Variants in KDM4B observed in about 807,000 individuals in gnomAD.
The protein encoded by KDM4B is lysine-specific demethylase 4B.
In KDM4B, 32 loss-of-function variants were observed where a neutral mutation model predicts 125.2. That is an observed-to-expected ratio of 0.26 (90% CI 0.19 to 0.34). The LOEUF is 0.34. KDM4B is among the 10% of genes least tolerant of loss of function. The pLI is 1.00. For missense variants in KDM4B, 1,190 were observed against 1,577.7 expected (o/e 0.75, Z 4.16); for synonymous variants, 721 against 677.9 (o/e 1.06, Z -0.99).
At position 5,082,314 on chromosome 19, in the gene KDM4B, C is replaced by T; in HGVS notation, c.781-53C>T. On this transcript the variant is annotated intron_variant, in intron 8 of 22. Transcript: ENST00000159111. The surrounding 1 kb of genome is among the most constrained non-coding windows in gnomAD (Gnocchi z 5.4). ...TGCTGGGAAGTGCCCACGTCCCATC[C>T]CCTGGTGCGCCTCTGGTGGCCCTGC... The T allele has an allele frequency of 3.7e-6, 6 of 1,609,390 alleles. No individual in the cohort carries two copies. The highest frequency in any genetic ancestry group is 5.1e-6 in the Non-Finnish European group (6 of 1,178,030).
intron 1 of KDM4B, among the ~76,000 whole-genome samples, chr19:5,004,791 C>T (rs1266201387): frequency 6.6e-6 from 1 of 152,112 alleles, no homozygotes; most frequent in African/African-American, 2.4e-5. Context: ...AGAGGCCACC[C>T]CTGCTCCCCT....
In KDM4B at chr19:5,008,383, T is replaced by C. The variant is rs376799663; in HGVS notation, c.-108-7874T>C. Reference sequence around the variant, plus strand: ...CCCGTTTATCTAATGTCTGTACTTATGCCAGTACCATGCTGTCTTGATTAC... The same window carrying C: ...CCCGTTTATCTAATGTCTGTACTTACGCCAGTACCATGCTGTCTTGATTAC... On this transcript the variant is annotated intron_variant, in intron 1 of 22. Coordinates refer to ENST00000159111, the MANE Select transcript of KDM4B (RefSeq NM_015015.3). Among the ~76,000 whole-genome samples, 45 of 152,340 alleles carry C rather than the reference T, an allele frequency of 3.0e-4. No individual in the cohort carries two copies. The South Asian group carries it at 8.1e-3, about 27-fold the overall frequency.
At chr19:5,047,020 A>G (rs1037917670) in intron 5 of KDM4B, 5 of 155,952 alleles carry the variant, frequency 3.2e-5, no homozygotes, top group African/African-American at 1.2e-4. Flanking sequence ...TGGGCTGGGT[A>G]TGGCGGCTCA....
Position 5,123,456 on chromosome 19 carries a change from G to T in KDM4B, c.1315+3604G>T, listed in dbSNP as rs371804213. ...CCCCCTTCCTAAGGACACTGGCCAC[G>T]CTGGGCCTGGCCCGCCCCAAGGGTC... is the stretch of plus-strand genomic sequence containing the variant. On this transcript the variant is annotated intron_variant, in intron 11 of 22. Transcript: ENST00000159111. 1.8e-4 allele frequency among the ~76,000 whole-genome samples: 28 copies of T among 152,308 alleles called. No homozygotes were observed. The East Asian group carries it at 4.2e-3, about 23-fold the overall frequency.
At chr19:5,026,475 G>A (rs1308952394) in intron 2 of KDM4B, among the ~76,000 whole-genome samples, 6 of 152,158 alleles carry the variant, frequency 3.9e-5, no homozygotes, top group Non-Finnish European at 7.3e-5. Context: ...GTGCTGCAGT[G>A]TCTGGCCTTC....
rs181624811 is a variant in KDM4B at position 4,986,966 on chromosome 19, T to A, written c.-109+17736T>A. ...TTTTATTTTTATTTTATTTTATTTTTTTTTTTGTGAGACGGAGTCTTGCTC... is the reference window on the plus strand; with the variant it reads ...TTTTATTTTTATTTTATTTTATTTTATTTTTTGTGAGACGGAGTCTTGCTC... On this transcript the variant is annotated intron_variant, in intron 1 of 22. Transcript: ENST00000159111. 5.1e-3 allele frequency among the ~76,000 whole-genome samples: 775 copies of A among 152,040 alleles called. 7 individuals carry two copies. Among genetic ancestry groups the A allele is most frequent in the African/African-American group, 0.017 (703 of 41,548 alleles).
intron 9 of KDM4B, among the ~76,000 whole-genome samples, chr19:5,087,975 C>T (rs2038560610): frequency 1.3e-5 from 2 of 152,294 alleles, no homozygotes; most frequent in South Asian, 4.1e-4. Context: ...GTAGGAATCT[C>T]ACGTCTTTCG....
At chr19:5,105,562 A>G (rs997644867) in intron 9 of KDM4B, among the ~76,000 whole-genome samples, 31 of 152,140 alleles carry the variant, frequency 2.0e-4, no homozygotes, top group African/African-American at 1.9e-4. Flanking sequence ...CCTCCCAAGT[A>G]GCTAAGACAG....
chr19:4,985,942 CG>C (rs2034815451), intron 1 of KDM4B, among the ~76,000 whole-genome samples: 1 of 152,238 alleles, frequency 6.6e-6, no homozygotes, highest in Non-Finnish European at 1.5e-5. Flanking sequence ...GGCCGTCTCC[CG>C]GTTTTTCCCT....
chr19:5,024,824 TG>T (rs1429913717), intron 2 of KDM4B, among the ~76,000 whole-genome samples: 1 of 152,114 alleles, frequency 6.6e-6, no homozygotes, highest in Non-Finnish European at 1.5e-5. Context: ...GGGGAGTGCC[TG>T]TAATCCCAGC....
intron 11 of KDM4B, 93 bp from the exon 12 acceptor site, chr19:5,130,983 C>T (rs369264664): frequency 1.6e-5 from 15 of 964,522 alleles, no homozygotes; most frequent in East Asian, 1.1e-4. Context: ...AGCCCTCGAC[C>T]ATCCCAGTCA....
chr19:5,092,011 C>CT (rs1451096250), intron 9 of KDM4B, among the ~76,000 whole-genome samples: 1 of 152,226 alleles, frequency 6.6e-6, no homozygotes, highest in African/African-American at 2.4e-5. Context: ...CATGTGTGGG[C>CT]TTAGGGGGTG....
chr19:5,006,341 C>G (rs58704821), intron 1 of KDM4B, among the ~76,000 whole-genome samples: 57 of 152,316 alleles, frequency 3.7e-4, no homozygotes, highest in African/African-American at 1.3e-3. Context: ...CGGCCATTCT[C>G]CTGCTCCTCC....
chr19:4,993,887 C>T (rs377481599), intron 1 of KDM4B, among the ~76,000 whole-genome samples: 1 of 152,184 alleles, frequency 6.6e-6, no homozygotes, highest in Non-Finnish European at 1.5e-5. Flanking sequence ...GCTTGGATTA[C>T]AGGCATGAGT....
chr19:5,142,823 C>G lies in KDM4B; in HGVS notation c.2551-1144C>G, dbSNP rs558425758. ...CCGTCGATCGGCCCTGCTCCAGGCC[C>G]TTGGCTTATCTGGCTTTTGAACGTG... On this transcript the variant is annotated intron_variant, in intron 18 of 22. Coordinates refer to ENST00000159111, the MANE Select transcript of KDM4B (RefSeq NM_015015.3). The surrounding 1 kb of genome is among the most constrained non-coding windows in gnomAD (Gnocchi z 5.4). 6.6e-6 allele frequency among the ~76,000 whole-genome samples: 1 copy of G among 152,090 alleles called. No individual in the cohort carries two copies. Among genetic ancestry groups the G allele is most frequent in the South Asian group, 2.1e-4 (1 of 4,818 alleles).
chr19:5,007,935 C>T (rs1351658436), intron 1 of KDM4B, among the ~76,000 whole-genome samples: 1 of 152,120 alleles, frequency 6.6e-6, no homozygotes, highest in Non-Finnish European at 1.5e-5. Context: ...AGAAATCTTG[C>T]CTGATCCAAA....
intron 1 of KDM4B, among the ~76,000 whole-genome samples, chr19:4,969,977 A>T (rs1049674342): frequency 2.0e-5 from 3 of 152,134 alleles, no homozygotes; most frequent in Non-Finnish European, 4.4e-5. Context: ...GCCATCTCGA[A>T]CGAAGCCCCT....
At chr19:5,073,598 C>A (rs1317073377) in intron 7 of KDM4B, among the ~76,000 whole-genome samples, 1 of 152,234 alleles carries the variant, frequency 6.6e-6, no homozygotes, top group East Asian at 1.9e-4. Flanking sequence ...TTGACAGGAG[C>A]CTGCTGGAGA....
chr19:5,060,440 A>AAAAAAAAG (rs1166524132), intron 6 of KDM4B, among the ~76,000 whole-genome samples: 1 of 120,444 alleles, frequency 8.3e-6, no homozygotes, highest in Non-Finnish European at 1.6e-5. Flanking sequence ...CTCCAAAAAA[A>AAAAAAAAG]AAAAAAAAAA....
Sources: gnomAD v4.1 joint callset for allele counts (sites outside exome capture counted in the v4.1 genomes callset) on GRCh38, gnomAD v4.1.1 for gene constraint, Gnocchi (gnomAD v3.1) non-coding constraint, MANE v1.5 for transcripts, NCBI Gene and HGNC (gene_info 2026-07-23, HGNC 2026-07-21) for gene names.